Variants in DRC8 observed in about 807,000 individuals in gnomAD.
DRC8 encodes the protein dynein regulatory complex protein 8.
At chr1:245,061,131 C>T in the DRC8 span, among the ~76,000 whole-genome samples, 267 of 152,344 alleles carry the variant, frequency 1.8e-3, no homozygotes, top group African/African-American at 6.1e-3. Context: ...TCCACAGCTA[C>T]CACTTATAGC....
At chr1:245,120,996 A>G in the DRC8 span, among the ~76,000 whole-genome samples, 1 of 152,268 alleles carries the variant, frequency 6.6e-6, no homozygotes, top group Non-Finnish European at 1.5e-5. Flanking sequence ...TGTCAAGCAT[A>G]GACTTCTACT....
the DRC8 span, among the ~76,000 whole-genome samples, chr1:245,043,715 G>C: frequency 6.6e-6 from 1 of 152,152 alleles, no homozygotes; most frequent in African/African-American, 2.4e-5. Context: ...AGATGAACCC[G>C]TGCAGGGACG....
the DRC8 span, among the ~76,000 whole-genome samples, chr1:245,019,223 G>T: frequency 2.0e-5 from 3 of 152,148 alleles, no homozygotes; most frequent in Admixed American, 2.0e-4. Context: ...TGGTTACTAA[G>T]AAAATTGTTA....
At chr1:245,093,013 C>G in the DRC8 span, among the ~76,000 whole-genome samples, 20 of 152,018 alleles carry the variant, frequency 1.3e-4, no homozygotes, top group Admixed American at 1.3e-3. Flanking sequence ...AAGCTGTAAG[C>G]TATGACACAA....
chr1:245,092,851 C>A, the DRC8 span, among the ~76,000 whole-genome samples: 1 of 152,266 alleles, frequency 6.6e-6, no homozygotes. Flanking sequence ...GATTGTACCA[C>A]TGCACTCAGC....
chr1:245,084,084 T>TTTC, the DRC8 span, among the ~76,000 whole-genome samples: 1 of 23,722 alleles, frequency 4.2e-5, no homozygotes, highest in African/African-American at 1.1e-4. Context: ...GCGCCCCGGC[T>TTTC]TTTTTTTTTT....
the DRC8 span, among the ~76,000 whole-genome samples, chr1:244,987,517 C>G: frequency 2.6e-5 from 4 of 151,852 alleles, no homozygotes; most frequent in African/African-American, 9.7e-5. Flanking sequence ...CATTTTAAGC[C>G]TAGTGTTTTG....
At chr1:244,994,378 G>A in the DRC8 span, among the ~76,000 whole-genome samples, 1 of 152,102 alleles carries the variant, frequency 6.6e-6, no homozygotes, top group Non-Finnish European at 1.5e-5. Context: ...TTTGAGATAA[G>A]CTGTTCTCTG....
the DRC8 span, among the ~76,000 whole-genome samples, chr1:244,971,790 A>G: frequency 6.6e-6 from 1 of 152,192 alleles, no homozygotes; most frequent in Non-Finnish European, 1.5e-5. Context: ...GAAACTGCCA[A>G]CGATCTCTCT....
At chr1:245,124,813 CT>C in the DRC8 span, 1 of 152,316 alleles carries the variant, frequency 6.6e-6, no homozygotes, top group Non-Finnish European at 1.5e-5. Flanking sequence ...TGACTCCACC[CT>C]GCACACTTCG....
chr1:245,110,611 G>C, the DRC8 span, among the ~76,000 whole-genome samples: 1 of 152,274 alleles, frequency 6.6e-6, no homozygotes, highest in Non-Finnish European at 1.5e-5. Flanking sequence ...GCCCCGCTGA[G>C]GGCCAGAGCA....
chr1:245,002,984 G>A, the DRC8 span, among the ~76,000 whole-genome samples: 1 of 152,096 alleles, frequency 6.6e-6, no homozygotes, highest in African/African-American at 2.4e-5. Flanking sequence ...CTACCGTTCT[G>A]CTTTCTGCCT....
At chr1:244,990,730 G>A in the DRC8 span, among the ~76,000 whole-genome samples, 4 of 151,976 alleles carry the variant, frequency 2.6e-5, no homozygotes, top group African/African-American at 9.7e-5. Flanking sequence ...CCGCCTCCCA[G>A]GCTCAAGCAG....
At chr1:244,981,472 T>TTATG in the DRC8 span, among the ~76,000 whole-genome samples, 660 of 152,248 alleles carry the variant, frequency 4.3e-3, 7 homozygotes, top group African/African-American at 0.015. Context: ...TTTACGTGTA[T>TTATG]TATGTCCTTT....
the DRC8 span, among the ~76,000 whole-genome samples, chr1:245,093,151 TA>T: frequency 6.6e-6 from 1 of 151,900 alleles, no homozygotes; most frequent in Admixed American, 6.6e-5. Flanking sequence ...AATAGAAAAC[TA>T]ATTGGAGAGA....
chr1:245,025,816 G>A, the DRC8 span, among the ~76,000 whole-genome samples: 2 of 152,166 alleles, frequency 1.3e-5, no homozygotes, highest in African/African-American at 4.8e-5. Context: ...TTGTGGTAGT[G>A]AATCAGATGA....
the DRC8 span, among the ~76,000 whole-genome samples, chr1:245,088,713 G>A: frequency 1.3e-5 from 2 of 152,178 alleles, no homozygotes; most frequent in South Asian, 2.1e-4. This position sits in a 1 kb window ranked among gnomAD's most constrained non-coding sequence, Gnocchi z 4.6. Context: ...GCTAGTGAGC[G>A]GAGAAGGCTT....
chr1:245,083,559 T>C, the DRC8 span: 1 of 1,583,744 alleles, frequency 6.3e-7, no homozygotes, highest in Non-Finnish European at 8.6e-7. Flanking sequence ...ATATGAAAAA[T>C]TTATCATGTA....
the DRC8 span, among the ~76,000 whole-genome samples, chr1:245,073,226 C>T: frequency 6.6e-6 from 1 of 152,120 alleles, no homozygotes; most frequent in African/African-American, 2.4e-5. Context: ...ACCTCTGCCT[C>T]CCAGGTTCAA....
Sources: allele counts gnomAD v4.1 joint callset (sites outside exome capture counted in the v4.1 genomes callset), GRCh38; gene constraint gnomAD v4.1.1; non-coding constraint Gnocchi (gnomAD v3.1); transcripts MANE v1.5; gene names NCBI Gene and HGNC (gene_info 2026-07-23, HGNC 2026-07-21).